ARHGAP44: variants seen among roughly 807,000 people sequenced by gnomAD.
ARHGAP44 encodes the protein Rho GTPase activating protein 44, also known as rho GTPase-activating protein 44.
In ARHGAP44, 43 loss-of-function variants were observed where a neutral mutation model predicts 106.8. That is an observed-to-expected ratio of 0.40 (90% CI 0.32 to 0.52). The LOEUF (loss-of-function observed/expected upper bound fraction) is 0.52. Among genes scored for constraint, ARHGAP44 ranks in the 20% least tolerant of loss-of-function variants. The pLI is 0.48. For synonymous variants in ARHGAP44, 439 were observed against 410.3 expected, an observed-to-expected ratio of 1.07 and a Z score of -0.85; for missense variants, 866 against 1,050.5, an observed-to-expected ratio of 0.82 and a Z score of 2.43.
chr17:12,918,189 A>T (rs1168507692), intron 5 of ARHGAP44, among the ~76,000 whole-genome samples: 2 of 152,188 alleles, frequency 1.3e-5, no homozygotes, highest in Admixed American at 1.3e-4. Context: ...CTCAAGCAAG[A>T]TACCCAGTGG....
intron 1 of ARHGAP44, among the ~76,000 whole-genome samples, chr17:12,882,805 AT>A (rs35790835): frequency 6.6e-6 from 1 of 151,980 alleles, no homozygotes; most frequent in African/African-American, 2.4e-5. Flanking sequence ...TAATGTGCTA[AT>A]TTTTTTAGGA....
intron 2 of ARHGAP44, 91 bp from the exon 3 acceptor site, chr17:12,896,316 G>A (rs1473847228): frequency 1.9e-6 from 2 of 1,073,902 alleles, no homozygotes; most frequent in Middle Eastern, 2.5e-4. Flanking sequence ...TTGTCTCCAT[G>A]GAAACATGAG....
rs1481372292 is a variant in ARHGAP44 at position 12,855,525 on chromosome 17, TA to T, written c.54-39414del. On this transcript the variant is annotated intron_variant, in intron 1 of 20. Coordinates refer to ENST00000379672, the MANE Select transcript of ARHGAP44 (RefSeq NM_014859.6). The stretch of plus-strand genomic sequence containing the variant: ...TCCCCTGATGTTTTTTTCAGCATTT[TA>T]TTTTTTTTTACAACTAATTTAATTC... 6.2e-5 allele frequency among the ~76,000 whole-genome samples: 5 copies of T among 80,494 alleles called. No individual in the cohort carries two copies. The East Asian group carries it at 1.1e-3, about 17-fold the overall frequency. The allele number at this position is 80,494 out of a possible 152,430, so 52.8% of individuals were successfully genotyped here.
intron 3 of ARHGAP44, 45 bp downstream of exon 3, chr17:12,896,556 A>G: frequency 6.6e-7 from 1 of 1,517,398 alleles, no homozygotes. Context: ...TTGCCTACTG[A>G]GGACAAGGTT....
intron 1 of ARHGAP44, among the ~76,000 whole-genome samples, chr17:12,873,849 A>G (rs2036471261): frequency 6.6e-6 from 1 of 152,178 alleles, no homozygotes; most frequent in Non-Finnish European, 1.5e-5. Flanking sequence ...AGTTGCAGTG[A>G]GCCGAGATCA....
intron 1 of ARHGAP44, among the ~76,000 whole-genome samples, chr17:12,869,071 T>TA (rs1382254171): frequency 6.6e-6 from 1 of 152,208 alleles, no homozygotes; most frequent in Non-Finnish European, 1.5e-5. Context: ...CATTTGAGGT[T>TA]AAAACATCTT....
chr17:12,976,995 A>G (rs1315336700), intron 18 of ARHGAP44, among the ~76,000 whole-genome samples: 2 of 151,990 alleles, frequency 1.3e-5, no homozygotes, highest in African/African-American at 4.8e-5. Context: ...TATTTGGCAT[A>G]TAAATGATAT....
chr17:12,834,264 T>C (rs1332799440), intron 1 of ARHGAP44, among the ~76,000 whole-genome samples: 1 of 152,224 alleles, frequency 6.6e-6, no homozygotes, highest in African/African-American at 2.4e-5. Context: ...GTCCTTGCAT[T>C]TATTTCATTC....
rs141567331 is a variant in ARHGAP44, at chr17:12,922,465, T to A, written c.464+2634T>A. 4.4e-3 allele frequency among the ~76,000 whole-genome samples: 664 copies of A among 152,280 alleles called. 4 individuals are homozygous for A. The highest frequency in any genetic ancestry group is 0.015 in the African/African-American group (630 of 41,564). ...GTAAGATGGCTGAAGAAATGCAGAT[T>A]GCCCCATTGTTTTCATGAGGTGGAC... On this transcript the variant is annotated intron_variant, in intron 6 of 20. Coordinates refer to ENST00000379672, the MANE Select transcript of ARHGAP44 (RefSeq NM_014859.6).
At chr17:12,897,507 A>G (rs920655462) in intron 3 of ARHGAP44, among the ~76,000 whole-genome samples, 1 of 151,358 alleles carries the variant, frequency 6.6e-6, no homozygotes, top group African/African-American at 2.4e-5. Flanking sequence ...GTGTGTGTAT[A>G]AATAAAACTT....
intron 1 of ARHGAP44, among the ~76,000 whole-genome samples, chr17:12,842,019 G>A (rs1229907878): frequency 2.0e-5 from 3 of 152,068 alleles, no homozygotes; most frequent in Admixed American, 6.5e-5. Flanking sequence ...TGACCTCTGA[G>A]GTAAGGAGAA....
At chr17:12,894,489 A>G (rs1027037940) in intron 1 of ARHGAP44, among the ~76,000 whole-genome samples, 1 of 152,096 alleles carries the variant, frequency 6.6e-6, no homozygotes, top group African/African-American at 2.4e-5. Flanking sequence ...TGTGGACATA[A>G]CACTTGGTTG....
chr17:12,891,091 C>G (rs1281421101), intron 1 of ARHGAP44, among the ~76,000 whole-genome samples: 1 of 152,188 alleles, frequency 6.6e-6, no homozygotes, highest in African/African-American at 2.4e-5. Context: ...TAAGTAACCT[C>G]TAAGAAGTTT....
intron 1 of ARHGAP44, among the ~76,000 whole-genome samples, chr17:12,861,653 T>TTTTTTTTTTTAATTTTTGAGATGGAA (rs755400921): frequency 3.4e-5 from 2 of 59,144 alleles, no homozygotes; most frequent in Admixed American, 2.4e-4. Context: ...ACTTTTTTTT[T>TTTTTTTTTTTAATTTTTGAGATGGAA]TTTTTGAGAT....
intron 1 of ARHGAP44, among the ~76,000 whole-genome samples, chr17:12,885,530 TGTGA>T (rs2036857783): frequency 6.6e-6 from 1 of 151,804 alleles, no homozygotes; most frequent in African/African-American, 2.4e-5. Context: ...TTGATGTGTG[TGTGA>T]GTGTGTGTTT....
At chr17:12,903,251 C>T (rs1024620082) in intron 3 of ARHGAP44, among the ~76,000 whole-genome samples, 4 of 149,312 alleles carry the variant, frequency 2.7e-5, no homozygotes, top group Admixed American at 2.0e-4. Context: ...AACTGTGTTG[C>T]TTGTGCCCAA....
At chr17:12,879,570 A>G (rs2036658371) in intron 1 of ARHGAP44, among the ~76,000 whole-genome samples, 1 of 152,056 alleles carries the variant, frequency 6.6e-6, no homozygotes, top group Non-Finnish European at 1.5e-5. Flanking sequence ...GATACCCTAC[A>G]ACTCAGCACT....
At position 12,963,046 on chromosome 17, in the gene ARHGAP44, C is replaced by CAAAAAA. The variant is rs71369355; in HGVS notation, c.1523+4168_1523+4173dup. Among the ~76,000 whole-genome samples the CAAAAAA allele has an allele frequency of 1.2e-3, 83 of 70,890 alleles. 1 individual carries two copies. The highest frequency in any genetic ancestry group is 2.0e-3 in the East Asian group (4 of 1,978). The allele number at this position is 70,890 out of a possible 152,430, so 46.5% of individuals were successfully genotyped here. On this transcript the variant is annotated intron_variant, in intron 16 of 20. Coordinates refer to ENST00000379672, the MANE Select transcript of ARHGAP44 (RefSeq NM_014859.6). ...GGGCAACAGGAGTGAAACACCATCT[C>CAAAAAA]AAAAAAAAAAAAAAAAAAAAAAAAG...
chr17:12,953,119 T>C (rs529141923), intron 13 of ARHGAP44, among the ~76,000 whole-genome samples: 1 of 152,088 alleles, frequency 6.6e-6, no homozygotes, highest in Non-Finnish European at 1.5e-5. Context: ...ACATGGGAGC[T>C]GGGGGAGGCA....
Sources: allele counts gnomAD v4.1 joint callset (sites outside exome capture counted in the v4.1 genomes callset), GRCh38; gene constraint gnomAD v4.1.1; transcripts MANE v1.5; gene names NCBI Gene and HGNC (gene_info 2026-07-23, HGNC 2026-07-21).